UBASH3B: variants seen among roughly 807,000 people sequenced by gnomAD.
The protein encoded by UBASH3B is ubiquitin associated and SH3 domain containing B, also known as ubiquitin-associated and SH3 domain-containing protein B.
Under a neutral mutation model 83.4 loss-of-function variants are expected in UBASH3B, and 37 were observed. The observed-to-expected ratio is 0.44, with a 90% CI of 0.34 to 0.58. UBASH3B has a LOEUF of 0.58. Among genes scored for constraint, UBASH3B ranks in the 20% least tolerant of loss-of-function variants. UBASH3B has a pLI of 0.01. For missense variants in UBASH3B, 657 were observed against 827.2 expected (o/e 0.79, Z 2.52); for synonymous variants, 304 against 318.3 (o/e 0.96, Z 0.48).
chr11:122,683,774 TGTGA>T (rs765762664), intron 1 of UBASH3B, among the ~76,000 whole-genome samples: 10,271 of 40,858 alleles, frequency 0.25, 452 homozygotes, highest in Non-Finnish European at 0.43. Flanking sequence ...TGTGTGTGTG[TGTGA>T]GCCAGGTTTC....
At chr11:122,697,736 G>T (rs1395914211) in intron 1 of UBASH3B, among the ~76,000 whole-genome samples, 1 of 152,120 alleles carries the variant, frequency 6.6e-6, no homozygotes, top group South Asian at 2.1e-4. Context: ...GGTTGGGCAG[G>T]ATAGCCACAT....
chr11:122,790,674 C>T (rs1013698499), intron 6 of UBASH3B, among the ~76,000 whole-genome samples: 7 of 152,118 alleles, frequency 4.6e-5, no homozygotes, highest in South Asian at 2.1e-4. Context: ...TGGCCAGGTG[C>T]GGTGGCTCAC....
chr11:122,776,367 C>G (rs1044386820), intron 2 of UBASH3B, 95 bp downstream of exon 2: 9 of 1,161,420 alleles, frequency 7.7e-6, no homozygotes, highest in Non-Finnish European at 1.1e-5. Context: ...CTAATGGACC[C>G]TTCCAGAAGA....
chr11:122,759,160 T>A lies in UBASH3B; in HGVS notation c.162-17059T>A, dbSNP rs1861329969. On this transcript the variant is annotated intron_variant, in intron 1 of 13. Coordinates refer to ENST00000284273, the MANE Select transcript of UBASH3B (RefSeq NM_032873.5). The surrounding 1 kb of genome is among the most constrained non-coding windows in gnomAD (Gnocchi z 4.1). ...TCACCCACATTGTTGGCAGAAGTCA[T>A]TTCCTTTTGGTTATATGACTGAGGG... is the stretch of plus-strand genomic sequence containing the variant. Among the ~76,000 whole-genome samples the A allele has an allele frequency of 6.6e-6, 1 of 152,226 alleles. No individual in the cohort carries two copies. The highest frequency in any genetic ancestry group is 6.5e-5 in the Admixed American group (1 of 15,292).
chr11:122,784,923 C>T (rs1483817964), intron 5 of UBASH3B, among the ~76,000 whole-genome samples: 4 of 152,062 alleles, frequency 2.6e-5, no homozygotes, highest in Non-Finnish European at 2.9e-5. Context: ...CCTAGAGTCA[C>T]GTAGAACGAA....
At chr11:122,683,472 G>A (rs942455570) in intron 1 of UBASH3B, among the ~76,000 whole-genome samples, 9 of 151,626 alleles carry the variant, frequency 5.9e-5, no homozygotes, top group Admixed American at 2.6e-4. Flanking sequence ...AAAATTAGCC[G>A]GGCGTGGTGG....
chr11:122,778,044 A>G (rs1860773338), intron 3 of UBASH3B, among the ~76,000 whole-genome samples: 1 of 152,142 alleles, frequency 6.6e-6, no homozygotes, highest in African/African-American at 2.4e-5. Flanking sequence ...CTGACCAAAT[A>G]TAATCCCCCT....
At chr11:122,690,248 A>C (rs1326324275) in intron 1 of UBASH3B, among the ~76,000 whole-genome samples, 2 of 137,398 alleles carry the variant, frequency 1.5e-5, no homozygotes, top group Non-Finnish European at 3.1e-5. Flanking sequence ...ATATATATAT[A>C]TATCCAATTA....
At chr11:122,705,454 TAAA>T (rs60998227) in intron 1 of UBASH3B, among the ~76,000 whole-genome samples, 3 of 59,542 alleles carry the variant, frequency 5.0e-5, no homozygotes, top group Admixed American at 1.9e-4. Flanking sequence ...TCGAAAAACA[TAAA>T]AAAAAAAAAA....
chr11:122,739,090 C>T (rs987392661), intron 1 of UBASH3B, among the ~76,000 whole-genome samples: 1 of 152,064 alleles, frequency 6.6e-6, no homozygotes, highest in Admixed American at 6.5e-5. Flanking sequence ...CCTCAAATTA[C>T]AGGGCTCAGG....
intron 1 of UBASH3B, among the ~76,000 whole-genome samples, chr11:122,724,938 T>C (rs1318821016): frequency 6.6e-6 from 1 of 152,070 alleles, no homozygotes; most frequent in African/African-American, 2.4e-5. Flanking sequence ...CTCAAATTTG[T>C]ATGTTATTTT....
chr11:122,738,495 A>C (rs901328020), intron 1 of UBASH3B, among the ~76,000 whole-genome samples: 2 of 152,210 alleles, frequency 1.3e-5, no homozygotes, highest in Admixed American at 1.3e-4. Flanking sequence ...CATGGCAAGA[A>C]GCCTGAGCCA....
At chr11:122,757,512 A>C (rs1465644160) in intron 1 of UBASH3B, among the ~76,000 whole-genome samples, 1 of 152,140 alleles carries the variant, frequency 6.6e-6, no homozygotes, top group African/African-American at 2.4e-5. Context: ...GACAGCATAT[A>C]CCTGATACAT....
intron 1 of UBASH3B, among the ~76,000 whole-genome samples, chr11:122,749,474 G>A (rs1489149147): frequency 6.6e-6 from 1 of 152,164 alleles, no homozygotes; most frequent in Non-Finnish European, 1.5e-5. Flanking sequence ...GGCTTATTGG[G>A]TGCCAACTGT....
chr11:122,773,715 T>C (rs1255038269), intron 1 of UBASH3B, among the ~76,000 whole-genome samples: 2 of 152,174 alleles, frequency 1.3e-5, no homozygotes, highest in African/African-American at 2.4e-5. Context: ...AAACCTTTCA[T>C]TATCTTTTTC....
rs138783890 is a variant in UBASH3B at position 122,793,152 on chromosome 11, G to A, written c.981-1550G>A. Among the ~76,000 whole-genome samples the A allele has an allele frequency of 1.3e-3, 201 of 152,318 alleles. 1 individual carries two copies. The highest frequency in any genetic ancestry group is 4.6e-3 in the African/African-American group (192 of 41,562). ...TCCCAGCATGACTTTGGGAGGCCAA[G>A]CAGGCAGATCACCTGAGGTCAGGAG... is the stretch of plus-strand genomic sequence containing the variant. On this transcript the variant is annotated intron_variant, in intron 6 of 13. Transcript: ENST00000284273.
intron 1 of UBASH3B, among the ~76,000 whole-genome samples, chr11:122,689,533 A>C (rs188704633): frequency 6.6e-6 from 1 of 152,284 alleles, no homozygotes; most frequent in Admixed American, 6.5e-5. Context: ...TTTACACCGC[A>C]ACAGCAATCA....
chr11:122,773,769 C>G (rs1222324205), intron 1 of UBASH3B, among the ~76,000 whole-genome samples: 2 of 152,262 alleles, frequency 1.3e-5, no homozygotes, highest in Admixed American at 6.5e-5. Flanking sequence ...TTTTGAGTTA[C>G]AGAGACCATC....
At chr11:122,728,603 C>T (rs1860785772) in intron 1 of UBASH3B, among the ~76,000 whole-genome samples, 2 of 152,150 alleles carry the variant, frequency 1.3e-5, no homozygotes, top group African/African-American at 4.8e-5. Flanking sequence ...TTTGTGATTC[C>T]CCAGCCTAAC....
Sources: gnomAD v4.1 joint callset for allele counts (sites outside exome capture counted in the v4.1 genomes callset) on GRCh38, gnomAD v4.1.1 for gene constraint, Gnocchi (gnomAD v3.1) non-coding constraint, MANE v1.5 for transcripts, NCBI Gene and HGNC (gene_info 2026-07-23, HGNC 2026-07-21) for gene names.